Variants in DLGAP2 observed in about 807,000 individuals in gnomAD.
DLGAP2 encodes DLG associated protein 2, also known as disks large-associated protein 2.
DLGAP2 carries 26 observed loss-of-function variants against 100.3 expected under a neutral mutation model. The observed-to-expected ratio is 0.26, with a 90% CI of 0.19 to 0.36. DLGAP2 has a LOEUF of 0.36. DLGAP2 is among the 10% of genes least tolerant of loss of function. The pLI, the probability that DLGAP2 is intolerant of heterozygous loss-of-function variation, is 1.00. For missense variants in DLGAP2, 1,858 were observed against 1,453.2 expected, an observed-to-expected ratio of 1.28 and a Z score of -4.53; for synonymous variants, 886 against 630.1, an observed-to-expected ratio of 1.41 and a Z score of -6.08.
At chr8:1,489,786 G>A (rs1218651779) in intron 3 of DLGAP2, among the ~76,000 whole-genome samples, 2 of 152,198 alleles carry the variant, frequency 1.3e-5, no homozygotes, top group African/African-American at 4.8e-5. Flanking sequence ...GTAACGTTAC[G>A]ATGGGAATTT....
intron 3 of DLGAP2, among the ~76,000 whole-genome samples, chr8:1,447,838 T>C (rs1257035022): frequency 6.6e-6 from 1 of 152,260 alleles, no homozygotes; most frequent in African/African-American, 2.4e-5. Context: ...TTGAGGAATT[T>C]ATCCATTTCT....
intron 1 of DLGAP2, among the ~76,000 whole-genome samples, chr8:753,198 G>T (rs900802092): frequency 6.6e-6 from 1 of 152,186 alleles, no homozygotes; most frequent in Non-Finnish European, 1.5e-5. Context: ...TGCGGACCCC[G>T]TCACTTACGC....
At chr8:1,563,491 A>G (rs1199978847) in intron 5 of DLGAP2, among the ~76,000 whole-genome samples, 174 of 71,716 alleles carry the variant, frequency 2.4e-3, no homozygotes, top group African/African-American at 2.6e-3. Flanking sequence ...TTACTGGGGG[A>G]CTGTGTGGTG....
intron 3 of DLGAP2, among the ~76,000 whole-genome samples, chr8:1,284,299 A>G (rs1799878996): frequency 6.6e-6 from 1 of 152,116 alleles, no homozygotes; most frequent in East Asian, 1.9e-4. Context: ...AAGATGATGG[A>G]AGGCCTGTCT....
intron 1 of DLGAP2, among the ~76,000 whole-genome samples, chr8:886,960 C>T (rs902597468): frequency 4.6e-5 from 7 of 152,212 alleles, no homozygotes; most frequent in African/African-American, 1.7e-4. Context: ...CTAACACTGA[C>T]AGTGGGGTGC....
Position 917,210 on chromosome 8 carries a change from C to T in DLGAP2, c.73+9244C>T, listed in dbSNP as rs1249994162. Among the ~76,000 whole-genome samples the T allele has an allele frequency of 1.1e-4, 14 of 124,708 alleles. No homozygotes were observed. In the Admixed American group the frequency reaches 1.1e-3, roughly 10 times the overall value. The allele number at this position is 124,708 out of a possible 152,430, so 81.8% of individuals were successfully genotyped here. On this transcript the variant is annotated intron_variant, in intron 2 of 14. Coordinates refer to ENST00000637795, the MANE Select transcript of DLGAP2 (RefSeq NM_001346810.2). ...GGACATCAGTATTGTTCCCTCCCTC[C>T]CTCCATCCCTCCCTCCCTCCCTTCC...
At chr8:1,597,428 G>A (rs1796493745) in intron 6 of DLGAP2, among the ~76,000 whole-genome samples, 1 of 152,004 alleles carries the variant, frequency 6.6e-6, no homozygotes, top group Non-Finnish European at 1.5e-5. Flanking sequence ...GCTTGATGGG[G>A]ATAGCATGGA....
At chr8:1,579,909 G>A (rs1433031836) in intron 6 of DLGAP2, among the ~76,000 whole-genome samples, 1 of 152,212 alleles carries the variant, frequency 6.6e-6, no homozygotes, top group Non-Finnish European at 1.5e-5. Context: ...CTGCTCTGGA[G>A]GAGGTAAAGT....
At chr8:1,665,499 A>G (rs1438818371) in intron 8 of DLGAP2, among the ~76,000 whole-genome samples, 1 of 152,024 alleles carries the variant, frequency 6.6e-6, no homozygotes, top group African/African-American at 2.4e-5. Flanking sequence ...CGTGTTTAAT[A>G]TCACCTTTCT....
At chr8:1,089,493 T>A (rs1804101134) in intron 2 of DLGAP2, among the ~76,000 whole-genome samples, 1 of 152,208 alleles carries the variant, frequency 6.6e-6, no homozygotes, top group Non-Finnish European at 1.5e-5. Flanking sequence ...CCAGGGTCTC[T>A]CCTGCTGCCC....
At chr8:783,754 C>G (rs1821763443) in intron 1 of DLGAP2, among the ~76,000 whole-genome samples, 1 of 152,296 alleles carries the variant, frequency 6.6e-6, no homozygotes, top group Middle Eastern at 3.4e-3. Context: ...ACCCTCCCAC[C>G]ACATCCGGAA....
chr8:1,017,815 G>A (rs551271836), intron 2 of DLGAP2, among the ~76,000 whole-genome samples: 1 of 152,342 alleles, frequency 6.6e-6, no homozygotes, highest in African/African-American at 2.4e-5. Context: ...CCACGCTACT[G>A]GGTTCATCCC....
chr8:745,361 T>A (rs1163684270), intron 1 of DLGAP2, among the ~76,000 whole-genome samples: 1 of 152,228 alleles, frequency 6.6e-6, no homozygotes, highest in Admixed American at 6.5e-5. Flanking sequence ...CTACTGGGTC[T>A]GAAACAAAAT....
In DLGAP2 at chr8:1,704,114, G is replaced by T. The variant is rs1034469592; in HGVS notation, c.*2708G>T. The T allele has an allele frequency of 6.6e-6, 1 of 152,632 alleles. No homozygotes were observed. The highest frequency in any genetic ancestry group is 1.5e-5 in the Non-Finnish European group (1 of 68,038). The allele number at this position is 152,632 out of a possible 1,614,324, so 9.5% of individuals were successfully genotyped here. A position where few individuals can be genotyped will look rare whatever the true frequency, so the allele number is the denominator to read the frequency against. On this transcript the variant is annotated 3_prime_UTR_variant, in exon 15 of 15. Coordinates refer to ENST00000637795, the MANE Select transcript of DLGAP2 (RefSeq NM_001346810.2). The stretch of plus-strand genomic sequence containing the variant: ...AAATAAAACTGTTTATGATACTTGT[G>T]TTAGTCACTCGAGCTAGCTTATTTC...
intron 2 of DLGAP2, among the ~76,000 whole-genome samples, chr8:1,172,230 G>A (rs191459240): frequency 0.049 from 7,399 of 152,242 alleles, 235 homozygotes; most frequent in South Asian, 0.072. Context: ...CTTCTGGCTT[G>A]TAGAGTTTCT....
chr8:767,210 G>C (rs889718528), intron 1 of DLGAP2, among the ~76,000 whole-genome samples: 1 of 152,102 alleles, frequency 6.6e-6, no homozygotes, highest in African/African-American at 2.4e-5. Flanking sequence ...CTGCATGATG[G>C]ACCTTCCACT....
At chr8:1,554,793 A>G (rs1303178143) in intron 5 of DLGAP2, among the ~76,000 whole-genome samples, 1 of 86,474 alleles carries the variant, frequency 1.2e-5, no homozygotes, top group African/African-American at 5.9e-5. Context: ...CGCGCCCACC[A>G]CCCTCACGGT....
At chr8:1,503,882 G>T (rs1050014365) in intron 4 of DLGAP2, among the ~76,000 whole-genome samples, 1 of 152,168 alleles carries the variant, frequency 6.6e-6, no homozygotes, top group African/African-American at 2.4e-5. Context: ...GGGGTGGTAC[G>T]TGGGTGGAGG....
In DLGAP2 at chr8:1,483,508, CAAGGG is replaced by C. The variant is rs1799157486; in HGVS notation, c.107-17853_107-17849del. On this transcript the variant is annotated intron_variant, in intron 3 of 14. Transcript: ENST00000637795. ...GGGAGGCAGGCGCAGAACGTGAGGACAAGGGAAGGCTGAACTGCTGTGCAAGAGGC... is the reference window on the plus strand; with the variant it reads ...GGGAGGCAGGCGCAGAACGTGAGGACAAGGCTGAACTGCTGTGCAAGAGGC... Among the ~76,000 whole-genome samples the C allele has an allele frequency of 1.6e-4, 23 of 143,264 alleles. 1 individual carries two copies. The highest frequency in any genetic ancestry group is 6.4e-4 in the African/African-American group (22 of 34,542). The allele number at this position is 143,264 out of a possible 152,430, so 94.0% of individuals were successfully genotyped here. A position where few individuals can be genotyped will look rare whatever the true frequency, so the allele number is the denominator to read the frequency against.
Sources: gnomAD v4.1 joint callset for allele counts (sites outside exome capture counted in the v4.1 genomes callset) on GRCh38, gnomAD v4.1.1 for gene constraint, MANE v1.5 for transcripts, NCBI Gene and HGNC (gene_info 2026-07-23, HGNC 2026-07-21) for gene names.